The following TUSC3 variants were observed in gnomAD, a reference collection of about 807,000 sequenced individuals.
TUSC3 encodes the protein tumor suppressor candidate 3.
Under a neutral mutation model 44.8 loss-of-function variants are expected in TUSC3, and 45 were observed. The observed-to-expected ratio is 1.00, with a 90% CI of 0.79 to 1.29. The LOEUF is 1.29. Among genes scored for constraint, TUSC3 ranks in the 50% most tolerant of loss-of-function variants. The pLI is 0.00. For synonymous variants in TUSC3, 212 were observed against 152.9 expected (o/e 1.39, Z -2.85); for missense variants, 519 against 437.9 (o/e 1.19, Z -1.65).
intron 8 of TUSC3, among the ~76,000 whole-genome samples, chr8:15,747,731 T>C (rs1457104721): frequency 1.3e-5 from 2 of 152,116 alleles, no homozygotes; most frequent in Non-Finnish European, 2.9e-5. Context: ...CATTCGACTA[T>C]AACATATGTC....
intron 1 of TUSC3, among the ~76,000 whole-genome samples, chr8:15,547,400 A>C (rs1305193689): frequency 6.6e-6 from 1 of 151,716 alleles, no homozygotes; most frequent in East Asian, 1.9e-4. Context: ...TTACAGTAAA[A>C]CTAAAGGTCA....
chr8:15,498,321 T>G (rs1309171117), intron 2 of TUSC3, among the ~76,000 whole-genome samples: 1 of 152,172 alleles, frequency 6.6e-6, no homozygotes, highest in East Asian at 1.9e-4. Flanking sequence ...TTGCTTCAAT[T>G]TGCTCAGCGA....
chr8:15,628,075 G>T (rs1339421170), intron 2 of TUSC3, among the ~76,000 whole-genome samples: 2 of 152,006 alleles, frequency 1.3e-5, no homozygotes, highest in Non-Finnish European at 2.9e-5. Flanking sequence ...ATATCAGTTC[G>T]TTTTCCCCTA....
intron 1 of TUSC3, among the ~76,000 whole-genome samples, chr8:15,418,675 A>G (rs1390062): frequency 0.057 from 8,606 of 152,232 alleles, 828 homozygotes; most frequent in African/African-American, 0.2. Context: ...GAAGAGCTCA[A>G]TGCTGTTTTT....
chr8:15,819,964 G>A, the TUSC3 span, among the ~76,000 whole-genome samples: 2 of 152,040 alleles, frequency 1.3e-5, no homozygotes, highest in Non-Finnish European at 2.9e-5. Flanking sequence ...CAGATTAAAG[G>A]CAGTTATTAT....
intron 6 of TUSC3, among the ~76,000 whole-genome samples, chr8:15,716,632 T>G (rs2129201930): frequency 6.6e-6 from 1 of 152,276 alleles, no homozygotes; most frequent in South Asian, 2.1e-4. Context: ...ATATTTTAAT[T>G]ATATGCTAAT....
intron 2 of TUSC3, among the ~76,000 whole-genome samples, chr8:15,527,682 G>A (rs933652624): frequency 6.6e-5 from 10 of 152,166 alleles, no homozygotes; most frequent in African/African-American, 2.4e-4. Context: ...TAGGATTATA[G>A]GAGTGAGCCA....
intron 1 of TUSC3, among the ~76,000 whole-genome samples, chr8:15,460,561 T>G (rs1213593857): frequency 6.6e-6 from 1 of 152,176 alleles, no homozygotes; most frequent in African/African-American, 2.4e-5. Flanking sequence ...TCTCTGGTTT[T>G]ATTCCATTTG....
intron 1 of TUSC3, among the ~76,000 whole-genome samples, chr8:15,603,905 C>A (rs1207577289): frequency 1.3e-5 from 2 of 151,482 alleles, no homozygotes; most frequent in Non-Finnish European, 3.0e-5. Context: ...ATAGAACTTA[C>A]AGATGCCAGT....
intron 1 of TUSC3, among the ~76,000 whole-genome samples, chr8:15,565,840 G>C (rs1208490151): frequency 6.6e-6 from 1 of 152,082 alleles, no homozygotes; most frequent in Admixed American, 6.5e-5. Context: ...GTGGATGACT[G>C]TGTGGTACAG....
At chr8:15,786,781 A>C in the TUSC3 span, among the ~76,000 whole-genome samples, 1 of 151,524 alleles carries the variant, frequency 6.6e-6, no homozygotes, top group African/African-American at 2.4e-5. Flanking sequence ...GTCTCTGCTA[A>C]AAATTAAAAA....
intron 6 of TUSC3, among the ~76,000 whole-genome samples, chr8:15,718,881 A>G (rs754449689): frequency 1.3e-5 from 2 of 152,088 alleles, no homozygotes; most frequent in African/African-American, 2.4e-5. Context: ...CCTTTTGTAT[A>G]AAAACACACA....
chr8:15,657,640 C>T (rs1221981566), intron 3 of TUSC3, among the ~76,000 whole-genome samples: 1 of 152,194 alleles, frequency 6.6e-6, no homozygotes, highest in East Asian at 1.9e-4. Flanking sequence ...TAGAATCACC[C>T]TCAGTGCTCC....
At chr8:15,702,446 C>A (rs554777995) in intron 6 of TUSC3, among the ~76,000 whole-genome samples, 56 of 152,244 alleles carry the variant, frequency 3.7e-4, no homozygotes, top group African/African-American at 1.3e-3. Flanking sequence ...ATAGTGCTTT[C>A]TTTCCTCCCT....
chr8:15,600,079 G>C (rs1163152662), intron 1 of TUSC3, among the ~76,000 whole-genome samples: 1 of 151,664 alleles, frequency 6.6e-6, no homozygotes, highest in Non-Finnish European at 1.5e-5. Flanking sequence ...CATTAGGCGG[G>C]ACTTCTAGTA....
At chr8:15,541,490 G>C (rs1438746526) in intron 1 of TUSC3, among the ~76,000 whole-genome samples, 4 of 152,200 alleles carry the variant, frequency 2.6e-5, no homozygotes, top group Admixed American at 6.5e-5. Flanking sequence ...TCTGAATTGG[G>C]TTTAAGATAT....
intron 1 of TUSC3, among the ~76,000 whole-genome samples, chr8:15,435,315 T>C: frequency 6.6e-6 from 1 of 152,176 alleles, no homozygotes; most frequent in Non-Finnish European, 1.5e-5. Flanking sequence ...CATGTGTCTT[T>C]TGGCTGCATA....
intron 2 of TUSC3, among the ~76,000 whole-genome samples, chr8:15,497,089 G>C (rs145259831): frequency 0.011 from 1,615 of 152,286 alleles, 27 homozygotes; most frequent in African/African-American, 0.036. Flanking sequence ...AATACGGTAA[G>C]TGCTATCAGG....
At chr8:15,725,953 A>G (rs1226792022) in intron 6 of TUSC3, among the ~76,000 whole-genome samples, 1 of 152,166 alleles carries the variant, frequency 6.6e-6, no homozygotes, top group Non-Finnish European at 1.5e-5. Context: ...GGCTATTATT[A>G]ACACTGGAAA....
Sources: gnomAD v4.1 joint callset for allele counts (sites outside exome capture counted in the v4.1 genomes callset) on GRCh38, gnomAD v4.1.1 for gene constraint, MANE v1.5 for transcripts, NCBI Gene and HGNC (gene_info 2026-07-23, HGNC 2026-07-21) for gene names.